Variants in CNTNAP2 observed in about 807,000 individuals in gnomAD.
The protein encoded by CNTNAP2 is contactin-associated protein-like 2.
In CNTNAP2, 98 loss-of-function variants were observed where a neutral mutation model predicts 155.2. That is an observed-to-expected ratio of 0.63 (90% confidence interval 0.54 to 0.75). The LOEUF (loss-of-function observed/expected upper bound fraction) is 0.75, where lower values mean the gene tolerates loss of function less well. Ranked by LOEUF, CNTNAP2 falls within the 30% of genes least tolerant of loss-of-function variation. CNTNAP2 has a pLI of 0.00. For missense variants in CNTNAP2, 1,727 were observed against 1,688.1 expected, an observed-to-expected ratio of 1.02 and a Z score of -0.40; for synonymous variants, 651 against 631.2, an observed-to-expected ratio of 1.03 and a Z score of -0.47.
chr7:147,443,301 A>G (rs1173572636), intron 10 of CNTNAP2, among the ~76,000 whole-genome samples: 1 of 152,014 alleles, frequency 6.6e-6, no homozygotes, highest in Non-Finnish European at 1.5e-5. Flanking sequence ...CTATAACAGG[A>G]CACCACTGAG....
At chr7:147,186,336 G>A (rs1271017319) in intron 8 of CNTNAP2, among the ~76,000 whole-genome samples, 6 of 152,008 alleles carry the variant, frequency 3.9e-5, no homozygotes, top group African/African-American at 9.7e-5. Context: ...ATTTTTAAAG[G>A]CATAGAAGAT....
intron 3 of CNTNAP2, among the ~76,000 whole-genome samples, chr7:146,869,532 A>C (rs1795266574): frequency 6.6e-6 from 1 of 152,116 alleles, no homozygotes; most frequent in Non-Finnish European, 1.5e-5. Flanking sequence ...AAGTCCCATG[A>C]TAGGCCATCT....
chr7:146,518,036 G>C (rs545093588), intron 1 of CNTNAP2, among the ~76,000 whole-genome samples: 1 of 151,778 alleles, frequency 6.6e-6, no homozygotes, highest in Admixed American at 6.6e-5. Context: ...AACGCATAAG[G>C]TGGTACCCTG....
intron 13 of CNTNAP2, among the ~76,000 whole-genome samples, chr7:147,828,171 C>T (rs149536618): frequency 2.0e-5 from 3 of 152,216 alleles, no homozygotes; most frequent in African/African-American, 7.2e-5. Flanking sequence ...ACTAGAGGTA[C>T]AAATTCATTC....
intron 1 of CNTNAP2, among the ~76,000 whole-genome samples, chr7:146,585,824 TGA>T (rs910519048): frequency 6.8e-6 from 1 of 147,500 alleles, no homozygotes; most frequent in Non-Finnish European, 1.5e-5. Context: ...AGGGAAGGAA[TGA>T]GAGAGAGAGA....
chr7:146,284,934 G>T (rs901818781), intron 1 of CNTNAP2, among the ~76,000 whole-genome samples: 1 of 152,060 alleles, frequency 6.6e-6, no homozygotes, highest in Non-Finnish European at 1.5e-5. Context: ...TGGTTTCATC[G>T]CTTGCTGCTG....
chr7:148,121,394 A>T (rs995729337), intron 16 of CNTNAP2, among the ~76,000 whole-genome samples: 1 of 152,142 alleles, frequency 6.6e-6, no homozygotes, highest in African/African-American at 2.4e-5. Flanking sequence ...TTGGGTAGAG[A>T]ATTCTCTCAG....
At chr7:148,053,442 A>G (rs1199856439) in intron 15 of CNTNAP2, among the ~76,000 whole-genome samples, 1 of 152,198 alleles carries the variant, frequency 6.6e-6, no homozygotes, top group Non-Finnish European at 1.5e-5. Flanking sequence ...TTAATGTTTT[A>G]TAAATCTTAA....
intron 15 of CNTNAP2, among the ~76,000 whole-genome samples, chr7:148,106,856 C>T (rs1395584703): frequency 6.6e-6 from 1 of 152,122 alleles, no homozygotes; most frequent in African/African-American, 2.4e-5. Context: ...ACATAGCAAC[C>T]TTTAGGGCTT....
At chr7:146,128,948 G>A (rs535566872) in intron 1 of CNTNAP2, among the ~76,000 whole-genome samples, 58 of 152,002 alleles carry the variant, frequency 3.8e-4, no homozygotes, top group Middle Eastern at 6.8e-3. Flanking sequence ...ATATTTAAAG[G>A]GACTGTTGTT....
In CNTNAP2 at chr7:148,118,259, A is replaced by G. The variant is rs796052378; in HGVS notation, c.2525A>G (p.Lys842Arg). 4.3e-6 allele frequency: 7 copies of G among 1,614,200 alleles called. No individual in the cohort carries two copies. Among genetic ancestry groups the G allele is most frequent in the Non-Finnish European group, 5.1e-6 (6 of 1,180,026 alleles). Residue 842 changes from lysine (K) to arginine (R), a missense_variant, in exon 16 of 24, where the codon AAG becomes AGG. Coordinates refer to ENST00000361727, the MANE Select transcript of CNTNAP2 (RefSeq NM_014141.6). ...GGAGTGTTTCTTGAAAATATGGGAAAGGAAGATTTCATCAAGCTGGAGCTG... is the reference window on the plus strand; with the variant it reads ...GGAGTGTTTCTTGAAAATATGGGAAGGGAAGATTTCATCAAGCTGGAGCTG... ...PWGVFLENMG[K>R]EDFIKLELKS...
chr7:146,483,328 T>TATATATGC (rs1459820598), intron 1 of CNTNAP2, among the ~76,000 whole-genome samples: 1 of 81,558 alleles, frequency 1.2e-5, no homozygotes, highest in African/African-American at 6.5e-5. Flanking sequence ...TATATATATA[T>TATATATGC]ACATATATAT....
At chr7:146,885,888 G>A (rs182807085) in intron 3 of CNTNAP2, among the ~76,000 whole-genome samples, 25 of 151,042 alleles carry the variant, frequency 1.7e-4, no homozygotes, top group East Asian at 3.9e-4. Flanking sequence ...AGAACTTGTC[G>A]TGTTTCATTA....
At chr7:147,430,827 G>A (rs143893164) in intron 10 of CNTNAP2, among the ~76,000 whole-genome samples, 44 of 152,166 alleles carry the variant, frequency 2.9e-4, no homozygotes, top group African/African-American at 1.0e-3. Context: ...CACTTTGGGA[G>A]GCCAAAGTGG....
At chr7:147,162,913 G>A (rs1022755438) in intron 8 of CNTNAP2, among the ~76,000 whole-genome samples, 3 of 152,102 alleles carry the variant, frequency 2.0e-5, no homozygotes, top group Admixed American at 6.6e-5. Flanking sequence ...GGGTTTTCAC[G>A]TCGGCTGGGG....
chr7:148,405,755 A>G (rs1279403492), intron 22 of CNTNAP2, among the ~76,000 whole-genome samples: 1 of 150,992 alleles, frequency 6.6e-6, no homozygotes, highest in Non-Finnish European at 1.5e-5. Flanking sequence ...AGCTGGGACT[A>G]CAGGCGCACG....
chr7:146,677,587 G>A (rs1369006863), intron 1 of CNTNAP2, among the ~76,000 whole-genome samples: 1 of 152,002 alleles, frequency 6.6e-6, no homozygotes, highest in African/African-American at 2.4e-5. Flanking sequence ...AGCCCACAGT[G>A]CCCTCCCTCT....
chr7:147,113,572 A>G (rs1338115269), intron 5 of CNTNAP2, among the ~76,000 whole-genome samples: 3 of 152,176 alleles, frequency 2.0e-5, no homozygotes, highest in African/African-American at 7.2e-5. Context: ...AGAGAAGTGC[A>G]GAGTGAAGTC....
At chr7:146,550,756 G>T (rs932595348) in intron 1 of CNTNAP2, among the ~76,000 whole-genome samples, 6 of 151,960 alleles carry the variant, frequency 3.9e-5, no homozygotes, top group Admixed American at 1.3e-4. Flanking sequence ...TCAGCATAGA[G>T]CCTGTATATA....
Sources: allele counts gnomAD v4.1 joint callset (sites outside exome capture counted in the v4.1 genomes callset), GRCh38; gene constraint gnomAD v4.1.1; transcripts MANE v1.5; gene names NCBI Gene and HGNC (gene_info 2026-07-23, HGNC 2026-07-21).